Variants in EIPR1 observed in about 807,000 individuals in gnomAD.
EIPR1 encodes EARP complex and GARP complex interacting protein 1.
Under a neutral mutation model 48.1 loss-of-function variants are expected in EIPR1, and 25 were observed. The ratio of observed to expected loss-of-function variants is 0.52; its 90% CI spans 0.38 to 0.73. The LOEUF is 0.73. Ranked by LOEUF, EIPR1 falls within the 30% of genes least tolerant of loss-of-function variation. The pLI is 0.00. For missense variants in EIPR1, 415 were observed against 506.2 expected, an observed-to-expected ratio of 0.82 and a Z score of 1.73; for synonymous variants, 204 against 201.9, an observed-to-expected ratio of 1.01 and a Z score of -0.09.
chr2:3,302,613 C>T (rs997803442), intron 3 of EIPR1, among the ~76,000 whole-genome samples: 2 of 152,250 alleles, frequency 1.3e-5, no homozygotes, highest in African/African-American at 2.4e-5. Flanking sequence ...ATGGCAGTGA[C>T]GTGACGTCGC....
rs111843571 is a variant in EIPR1, at chr2:3,283,962, A to G, written c.260-26507T>C. Among the ~76,000 whole-genome samples the G allele has an allele frequency of 3.3e-3, 475 of 142,584 alleles. 5 individuals carry two copies. Among genetic ancestry groups the G allele is most frequent in the African/African-American group, 9.1e-3 (350 of 38,514 alleles). The allele number at this position is 142,584 out of a possible 152,430, so 93.5% of individuals were successfully genotyped here. A position where few individuals can be genotyped will look rare whatever the true frequency, so the allele number is the denominator to read the frequency against. On this transcript the variant is annotated intron_variant, in intron 3 of 8. Transcript: ENST00000382125. The stretch of plus-strand genomic sequence containing the variant: ...CTACATCTAAAAAAAAAAAAAAAAA[A>G]AAAGAAAGAAAGAAAAAAAGAAAAG...
chr2:3,298,745 G>T (rs1318424595), intron 3 of EIPR1, among the ~76,000 whole-genome samples: 1 of 152,056 alleles, frequency 6.6e-6, no homozygotes, highest in Non-Finnish European at 1.5e-5. Flanking sequence ...AGGTGCTCGG[G>T]CTCTCCATGA....
chr2:3,195,100 C>T (rs777921108), intron 6 of EIPR1, among the ~76,000 whole-genome samples: 1 of 152,230 alleles, frequency 6.6e-6, no homozygotes, highest in Admixed American at 6.5e-5. Context: ...TGGTCCTTGG[C>T]TGCTCCTCGC....
intron 1 of EIPR1, among the ~76,000 whole-genome samples, chr2:3,371,307 C>A (rs891895337): frequency 2.6e-5 from 4 of 152,150 alleles, no homozygotes; most frequent in Non-Finnish European, 5.9e-5. Flanking sequence ...AGACCATCGA[C>A]ATTAGGAAGA....
chr2:3,339,889 G>A (rs1670181437), intron 2 of EIPR1, among the ~76,000 whole-genome samples: 1 of 152,226 alleles, frequency 6.6e-6, no homozygotes, highest in Non-Finnish European at 1.5e-5. Flanking sequence ...GGCGGAGCCT[G>A]CAGTGAGCCG....
chr2:3,323,992 C>G (rs1334272466), intron 3 of EIPR1, among the ~76,000 whole-genome samples: 1 of 152,192 alleles, frequency 6.6e-6, no homozygotes, highest in African/African-American at 2.4e-5. Flanking sequence ...TGTAGGAAAA[C>G]TGAATTCACA....
At chr2:3,314,056 C>CG in intron 3 of EIPR1, among the ~76,000 whole-genome samples, 1 of 152,240 alleles carries the variant, frequency 6.6e-6, no homozygotes, top group Admixed American at 6.5e-5. Flanking sequence ...GAGCACCACC[C>CG]GGGGAGCAAC....
At chr2:3,222,403 A>C (rs1417462171) in intron 4 of EIPR1, among the ~76,000 whole-genome samples, 2 of 152,266 alleles carry the variant, frequency 1.3e-5, no homozygotes, top group East Asian at 3.8e-4. Flanking sequence ...TTATCAGAGG[A>C]AGCAATAAAA....
intron 3 of EIPR1, among the ~76,000 whole-genome samples, chr2:3,309,269 G>C (rs1479432322): frequency 6.6e-6 from 1 of 152,200 alleles, no homozygotes; most frequent in Non-Finnish European, 1.5e-5. Flanking sequence ...GTAGGAAAAT[G>C]CCAATAACTG....
At chr2:3,248,290 A>G (rs572281592) in intron 4 of EIPR1, among the ~76,000 whole-genome samples, 4 of 151,946 alleles carry the variant, frequency 2.6e-5, no homozygotes, top group Non-Finnish European at 5.9e-5. Context: ...TCTACTAAAA[A>G]CACAAAAACT....
At chr2:3,372,863 C>A (rs1659717186) in intron 1 of EIPR1, among the ~76,000 whole-genome samples, 1 of 152,136 alleles carries the variant, frequency 6.6e-6, no homozygotes, top group African/African-American at 2.4e-5. Context: ...AGAGGGAATC[C>A]TCCCTAACTC....
At chr2:3,338,684 C>T (rs1270866284) in intron 2 of EIPR1, among the ~76,000 whole-genome samples, 1 of 152,258 alleles carries the variant, frequency 6.6e-6, no homozygotes, top group African/African-American at 2.4e-5. Context: ...TGTATATTCA[C>T]ACACTGTTAT....
chr2:3,279,535 G>A (rs1334734132), intron 3 of EIPR1, among the ~76,000 whole-genome samples: 1 of 152,190 alleles, frequency 6.6e-6, no homozygotes, highest in African/African-American at 2.4e-5. Flanking sequence ...AGTCTCCCCA[G>A]CTGCAAAATG....
intron 2 of EIPR1, among the ~76,000 whole-genome samples, chr2:3,353,549 A>T (rs1280843848): frequency 6.6e-6 from 1 of 152,220 alleles, no homozygotes; most frequent in Non-Finnish European, 1.5e-5. Context: ...GCAATTTCAT[A>T]TTGTTCAACC....
chr2:3,303,855 A>C (rs554210685), intron 3 of EIPR1, among the ~76,000 whole-genome samples: 1 of 152,344 alleles, frequency 6.6e-6, no homozygotes, highest in South Asian at 2.1e-4. Context: ...GACCAGCCAT[A>C]ACAGACAGAG....
chr2:3,206,307 C>T (rs1336072724), intron 5 of EIPR1, among the ~76,000 whole-genome samples: 1 of 152,192 alleles, frequency 6.6e-6, no homozygotes, highest in Non-Finnish European at 1.5e-5. Flanking sequence ...GGCAGGTAGG[C>T]CCTTAGCCCT....
intron 3 of EIPR1, among the ~76,000 whole-genome samples, chr2:3,271,518 T>C (rs1390232689): frequency 6.6e-6 from 1 of 152,204 alleles, no homozygotes; most frequent in African/African-American, 2.4e-5. Flanking sequence ...AAACAACATT[T>C]GTTTCTTTGG....
chr2:3,265,195 G>T (rs1394895195), intron 3 of EIPR1, among the ~76,000 whole-genome samples: 1 of 64,216 alleles, frequency 1.6e-5, no homozygotes, highest in African/African-American at 6.7e-5. Context: ...CATTAGAGGG[G>T]TGTGCAGGCA....
chr2:3,249,283 A>G (rs757607159), intron 4 of EIPR1, among the ~76,000 whole-genome samples: 1 of 152,226 alleles, frequency 6.6e-6, no homozygotes, highest in Non-Finnish European at 1.5e-5. Context: ...AACTGGAGCA[A>G]AGGTCACCCT....
Sources: gnomAD v4.1 joint callset for allele counts (sites outside exome capture counted in the v4.1 genomes callset) on GRCh38, gnomAD v4.1.1 for gene constraint, MANE v1.5 for transcripts, NCBI Gene and HGNC (gene_info 2026-07-23, HGNC 2026-07-21) for gene names.